AUTS2: variants seen among roughly 807,000 people sequenced by gnomAD.
AUTS2 encodes activator of transcription and developmental regulator AUTS2, also known as autism susceptibility gene 2 protein.
A neutral mutation model predicts 112.4 loss-of-function variants in AUTS2; 17 were observed. The ratio of observed to expected loss-of-function variants is 0.15; its 90% CI spans 0.10 to 0.23. The LOEUF is 0.23. AUTS2 is among the 10% of genes least tolerant of loss of function. The probability of loss-of-function intolerance (pLI) is 1.00; values close to 1 mark genes in which losing one functional copy is unlikely to be tolerated. For missense variants in AUTS2, 1,510 were observed against 1,701.6 expected (o/e 0.89, Z 1.98); for synonymous variants, 751 against 702.7 (o/e 1.07, Z -1.09).
intron 4 of AUTS2, among the ~76,000 whole-genome samples, chr7:70,351,205 T>C (rs1207271972): frequency 6.6e-6 from 1 of 151,928 alleles, no homozygotes; most frequent in Non-Finnish European, 1.5e-5. Flanking sequence ...CGTGCGCCAA[T>C]ACGCCTGGCT....
chr7:70,240,953 T>C (rs1405794475), intron 4 of AUTS2, among the ~76,000 whole-genome samples: 1 of 152,208 alleles, frequency 6.6e-6, no homozygotes, highest in African/African-American at 2.4e-5. Flanking sequence ...AGTAAGGTGG[T>C]CTGACTCCAA....
At chr7:70,197,324 C>G (rs867203951) in intron 4 of AUTS2, among the ~76,000 whole-genome samples, 5 of 152,048 alleles carry the variant, frequency 3.3e-5, no homozygotes, top group African/African-American at 9.7e-5. Flanking sequence ...AAGAAGTTTA[C>G]GGATGGAGGA....
At chr7:70,059,504 T>A (rs1802145775) in intron 2 of AUTS2, among the ~76,000 whole-genome samples, 1 of 152,110 alleles carries the variant, frequency 6.6e-6, no homozygotes, top group Admixed American at 6.6e-5. Context: ...TCACATTGGT[T>A]ACTTTTTTTA....
chr7:70,433,028 A>G (rs1795741326), intron 4 of AUTS2, among the ~76,000 whole-genome samples: 1 of 152,106 alleles, frequency 6.6e-6, no homozygotes, highest in South Asian at 2.1e-4. Flanking sequence ...TGCTTCCATA[A>G]TGGATACCAG....
chr7:69,718,803 A>G (rs1037117673), intron 1 of AUTS2, among the ~76,000 whole-genome samples: 2 of 152,098 alleles, frequency 1.3e-5, no homozygotes, highest in African/African-American at 4.8e-5. Context: ...CTCTTTCCCC[A>G]CTCAAATGAA....
chr7:70,581,374 G>A (rs1009950823), intron 5 of AUTS2, among the ~76,000 whole-genome samples: 16 of 152,112 alleles, frequency 1.1e-4, no homozygotes, highest in Non-Finnish European at 1.9e-4. Context: ...CAAGAAGAGC[G>A]AAACTCCGTC....
chr7:69,699,646 T>C (rs1039144346), intron 1 of AUTS2, among the ~76,000 whole-genome samples: 1 of 149,468 alleles, frequency 6.7e-6, no homozygotes, highest in East Asian at 1.9e-4. Flanking sequence ...AATGTTTTTT[T>C]TTTTTTTTTT....
intron 1 of AUTS2, among the ~76,000 whole-genome samples, chr7:69,620,277 G>A (rs1369200877): frequency 6.6e-6 from 1 of 152,208 alleles, no homozygotes; most frequent in Non-Finnish European, 1.5e-5. Flanking sequence ...TACTGGGCAA[G>A]GCTATCAGGT....
intron 17 of AUTS2, among the ~76,000 whole-genome samples, chr7:70,786,303 G>A (rs1205506703): frequency 6.6e-6 from 1 of 152,214 alleles, no homozygotes; most frequent in Non-Finnish European, 1.5e-5. Flanking sequence ...ACTCAAGTGC[G>A]GAGTTTCATC....
intron 5 of AUTS2, among the ~76,000 whole-genome samples, chr7:70,458,314 T>C (rs2131163058): frequency 6.6e-6 from 1 of 152,334 alleles, no homozygotes; most frequent in East Asian, 1.9e-4. Flanking sequence ...TAAGCCTCCT[T>C]GAAACAGCAA....
At chr7:69,750,829 G>A (rs1787707981) in intron 1 of AUTS2, among the ~76,000 whole-genome samples, 1 of 151,990 alleles carries the variant, frequency 6.6e-6, no homozygotes, top group African/African-American at 2.4e-5. Context: ...AGGAATTGTG[G>A]TACTTACTTG....
rs142864612 is a variant in AUTS2, at chr7:69,819,915, A to G, written c.310-79371A>G. ...GGCCCAGCCCCCAGTAAGCTTTATT[A>G]TAACTCAACTAGCTTCATTATAACT... is the stretch of plus-strand genomic sequence containing the variant. On this transcript the variant is annotated intron_variant, in intron 1 of 18. Coordinates refer to ENST00000342771, the MANE Select transcript of AUTS2 (RefSeq NM_015570.4). 6.6e-5 allele frequency among the ~76,000 whole-genome samples: 10 copies of G among 152,314 alleles called. 1 individual carries two copies. Among genetic ancestry groups the G allele is most frequent in the Middle Eastern group, 3.4e-3 (1 of 294 alleles).
chr7:70,765,552 T>C (rs1789883593), intron 8 of AUTS2, among the ~76,000 whole-genome samples: 1 of 152,128 alleles, frequency 6.6e-6, no homozygotes, highest in Non-Finnish European at 1.5e-5. Context: ...AGGTCAAGCG[T>C]CCCAGTTTTG....
At chr7:70,245,203 A>C (rs1411963691) in intron 4 of AUTS2, among the ~76,000 whole-genome samples, 1 of 149,880 alleles carries the variant, frequency 6.7e-6, no homozygotes, top group Non-Finnish European at 1.5e-5. Flanking sequence ...TTAAAAAGTA[A>C]GTGCAAGACA....
At chr7:70,036,321 G>A (rs1801000558) in intron 2 of AUTS2, among the ~76,000 whole-genome samples, 1 of 152,222 alleles carries the variant, frequency 6.6e-6, no homozygotes, top group Non-Finnish European at 1.5e-5. Flanking sequence ...GAACTTTTAA[G>A]TAACAACAAT....
intron 4 of AUTS2, among the ~76,000 whole-genome samples, chr7:70,148,475 A>C (rs890600326): frequency 7.9e-5 from 12 of 151,980 alleles, no homozygotes; most frequent in Admixed American, 6.6e-4. Flanking sequence ...AATCTCATCA[A>C]CTCATCTCAT....
intron 2 of AUTS2, among the ~76,000 whole-genome samples, chr7:69,991,828 C>A (rs537793334): frequency 6.6e-6 from 1 of 152,232 alleles, no homozygotes; most frequent in South Asian, 2.1e-4. Flanking sequence ...AGTTTTGTTG[C>A]AAAATACAGG....
intron 4 of AUTS2, among the ~76,000 whole-genome samples, chr7:70,305,873 A>G (rs1253422068): frequency 6.6e-6 from 1 of 152,226 alleles, no homozygotes; most frequent in Non-Finnish European, 1.5e-5. Flanking sequence ...GACATTTCCA[A>G]TAAAAGACTC....
intron 5 of AUTS2, among the ~76,000 whole-genome samples, chr7:70,446,877 C>G (rs1269931156): frequency 6.6e-6 from 1 of 152,144 alleles, no homozygotes; most frequent in South Asian, 2.1e-4. Context: ...CTGTGGGGAG[C>G]CACCCAGGGG....
Sources: gnomAD v4.1 joint callset for allele counts (sites outside exome capture counted in the v4.1 genomes callset) on GRCh38, gnomAD v4.1.1 for gene constraint, MANE v1.5 for transcripts, NCBI Gene and HGNC (gene_info 2026-07-23, HGNC 2026-07-21) for gene names.